The following CHSY3 variants were observed in gnomAD, a reference collection of about 807,000 sequenced individuals.
CHSY3 encodes chondroitin sulfate synthase 3, also known as N-acetylgalactosaminyl-proteoglycan 3-beta-glucuronosyltransferase 3.
CHSY3 carries 35 observed loss-of-function variants against 67.2 expected under a neutral mutation model. The ratio of observed to expected loss-of-function variants is 0.52; its 90% confidence interval spans 0.40 to 0.69. CHSY3 has a LOEUF of 0.69. Ranked by LOEUF, CHSY3 falls within the 30% of genes least tolerant of loss-of-function variation. The probability of loss-of-function intolerance (pLI) is 0.00; values close to 1 mark genes in which losing one functional copy is unlikely to be tolerated. For missense variants in CHSY3, 1,069 were observed against 1,138.5 expected (o/e 0.94, Z 0.88); for synonymous variants, 474 against 434.7 (o/e 1.09, Z -1.12).
intron 2 of CHSY3, among the ~76,000 whole-genome samples, chr5:129,933,555 CT>C (rs535207820): frequency 6.2e-4 from 94 of 152,136 alleles, no homozygotes; most frequent in African/African-American, 2.2e-3. Context: ...TTAAGAAGAT[CT>C]TTTAGTCAAA....
chr5:129,977,806 GA>G (rs1762857159), intron 2 of CHSY3, among the ~76,000 whole-genome samples: 1 of 151,312 alleles, frequency 6.6e-6, no homozygotes, highest in Non-Finnish European at 1.5e-5. Context: ...AACATGTATG[GA>G]AATATTAAGT....
chr5:130,025,623 C>A (rs1053851037), intron 2 of CHSY3, among the ~76,000 whole-genome samples: 1 of 152,216 alleles, frequency 6.6e-6, no homozygotes, highest in African/African-American at 2.4e-5. Context: ...AGTCCCAGAT[C>A]AAGGCACCAG....
rs1764861012 is a variant in CHSY3 at position 130,036,287 on chromosome 5, G to A, written c.1086+127927G>A. 2.0e-5 allele frequency among the ~76,000 whole-genome samples: 3 copies of A among 152,132 alleles called. No homozygotes were observed. The South Asian group carries it at 6.2e-4, about 32-fold the overall frequency. On this transcript the variant is annotated intron_variant, in intron 2 of 2. Coordinates refer to ENST00000305031, the MANE Select transcript of CHSY3 (RefSeq NM_175856.5). ...TGTGTCTTCTGTATCTTCTCACTTT[G>A]TTTGACAAGATTATGATTTGCATGC...
rs573421217 is a variant in CHSY3 at position 130,046,785 on chromosome 5, A to G, written c.1087-137444A>G. On this transcript the variant is annotated intron_variant, in intron 2 of 2. Transcript: ENST00000305031. ...TCAGCATTTCAGTTTTTTTAAATTT[A>G]CTATTAAAAATGCCTGTATAGAAAA... Among the ~76,000 whole-genome samples the G allele has an allele frequency of 4.6e-4, 70 of 152,192 alleles. 1 individual carries two copies. In the South Asian group the frequency reaches 0.014, roughly 30 times the overall value.
intron 2 of CHSY3, among the ~76,000 whole-genome samples, chr5:130,154,173 T>A (rs1769309118): frequency 6.6e-6 from 1 of 152,168 alleles, no homozygotes; most frequent in Admixed American, 6.5e-5. Flanking sequence ...CACCTCAGCC[T>A]CCCAAAGTGC....
At chr5:129,913,998 C>T (rs1169620438) in intron 2 of CHSY3, among the ~76,000 whole-genome samples, 1 of 152,168 alleles carries the variant, frequency 6.6e-6, no homozygotes, top group Non-Finnish European at 1.5e-5. Context: ...GAAAGCTGTA[C>T]CATATGAAAC....
chr5:130,178,251 ATAT>A lies in CHSY3; in HGVS notation c.1087-5976_1087-5974del, dbSNP rs1378383595. 3.8e-3 allele frequency among the ~76,000 whole-genome samples: 238 copies of A among 62,718 alleles called. 1 individual carries two copies. The South Asian group carries it at 0.04, about 11-fold the overall frequency. 41.1% of individuals were successfully genotyped at this position (62,718 alleles called of 152,430 possible). A position where few individuals can be genotyped will look rare whatever the true frequency, so the allele number is the denominator to read the frequency against. On this transcript the variant is annotated intron_variant, in intron 2 of 2. Transcript: ENST00000305031. Reference sequence around the variant, plus strand: ...TTTATATATATATATATATATATATATATTTTTTTTTTTTTTTTTCCTGAGACG... The same window carrying A: ...TTTATATATATATATATATATATATATTTTTTTTTTTTTTTTCCTGAGACG...
At chr5:130,061,628 T>C (rs1478196850) in intron 2 of CHSY3, among the ~76,000 whole-genome samples, 1 of 152,094 alleles carries the variant, frequency 6.6e-6, no homozygotes, top group Admixed American at 6.6e-5. Context: ...ACCTGTAGAA[T>C]AGGAGAAAAT....
intron 2 of CHSY3, among the ~76,000 whole-genome samples, chr5:129,985,284 C>G (rs893743343): frequency 6.6e-6 from 1 of 152,164 alleles, no homozygotes; most frequent in African/African-American, 2.4e-5. Flanking sequence ...ATAGTGAGTC[C>G]TTTCCCCATT....
chr5:129,956,438 T>C (rs1200478749), intron 2 of CHSY3, among the ~76,000 whole-genome samples: 1 of 152,194 alleles, frequency 6.6e-6, no homozygotes, highest in Non-Finnish European at 1.5e-5. Flanking sequence ...TTAGGTTCCT[T>C]ATAGATGCTG....
intron 2 of CHSY3, among the ~76,000 whole-genome samples, chr5:129,935,195 T>C (rs916980677): frequency 3.3e-5 from 5 of 152,232 alleles, no homozygotes; most frequent in Non-Finnish European, 4.4e-5. Flanking sequence ...GCAGTCCCTT[T>C]AGTGTTTAAA....
chr5:130,153,924 GT>G (rs1434463472), intron 2 of CHSY3, among the ~76,000 whole-genome samples: 3 of 151,806 alleles, frequency 2.0e-5, no homozygotes, highest in Admixed American at 6.6e-5. Context: ...TTGTTTGTTT[GT>G]TTGTTTGTTT....
intron 2 of CHSY3, among the ~76,000 whole-genome samples, chr5:130,008,216 G>A (rs189273525): frequency 6.6e-6 from 1 of 152,208 alleles, no homozygotes; most frequent in African/African-American, 2.4e-5. Flanking sequence ...CACTGTTGCT[G>A]CCCACCCCCC....
chr5:130,000,737 T>C (rs1038475792), intron 2 of CHSY3, among the ~76,000 whole-genome samples: 6 of 128,210 alleles, frequency 4.7e-5, no homozygotes, highest in African/African-American at 2.0e-4. Flanking sequence ...TTCTTCTTTT[T>C]TTTTTTTTTT....
In CHSY3 at chr5:129,905,268, G is replaced by C. The variant is rs1024012997; in HGVS notation, c.439G>C (p.Asp147His). 2.7e-6 allele frequency: 4 copies of C among 1,455,444 alleles called. No individual in the cohort carries two copies. The Admixed American group carries it at 9.8e-5, about 36-fold the overall frequency. The allele number at this position is 1,455,444 out of a possible 1,614,324, so 90.2% of individuals were successfully genotyped here. ...EDGGAAGQRRDGRPGSSHNGS... is the reference protein window; with the variant it reads ...EDGGAAGQRRHGRPGSSHNGS... Reference sequence around the variant, plus strand: ...CGGGGGCGCGGCTGGGCAGCGGAGAGACGGCCGGCCGGGGAGTAGCCACAA... The same window carrying C: ...CGGGGGCGCGGCTGGGCAGCGGAGACACGGCCGGCCGGGGAGTAGCCACAA... Residue 147 changes from aspartate to histidine, a missense_variant, in exon 1 of 3, where the codon GAC becomes CAC. Physicochemically the swap from Asp to His is moderately conservative, Grantham distance 81 (BLOSUM62 -1). Transcript: ENST00000305031.
At chr5:130,004,124 A>AT (rs1763808430) in intron 2 of CHSY3, among the ~76,000 whole-genome samples, 1 of 152,228 alleles carries the variant, frequency 6.6e-6, no homozygotes, top group Non-Finnish European at 1.5e-5. Flanking sequence ...AAATATTCAC[A>AT]TTTTAATTCT....
intron 2 of CHSY3, among the ~76,000 whole-genome samples, chr5:130,154,554 A>G (rs1171934297): frequency 1.3e-5 from 2 of 152,142 alleles, no homozygotes; most frequent in African/African-American, 2.4e-5. Flanking sequence ...CAGCGTTGTG[A>G]TTATTCATTT....
intron 2 of CHSY3, among the ~76,000 whole-genome samples, chr5:130,175,373 A>C (rs543443003): frequency 6.6e-6 from 1 of 152,340 alleles, no homozygotes; most frequent in East Asian, 1.9e-4. Flanking sequence ...AAACAAATGG[A>C]AAAACATTCC....
intron 2 of CHSY3, among the ~76,000 whole-genome samples, chr5:130,181,177 C>T (rs1380956972): frequency 6.6e-6 from 1 of 151,968 alleles, no homozygotes; most frequent in Non-Finnish European, 1.5e-5. Context: ...TTTTCTTTGC[C>T]GTGTAATGTT....
Sources: gnomAD v4.1 joint callset for allele counts (sites outside exome capture counted in the v4.1 genomes callset) on GRCh38, gnomAD v4.1.1 for gene constraint, MANE v1.5 for transcripts, NCBI Gene and HGNC (gene_info 2026-07-23, HGNC 2026-07-21) for gene names.